RNF183: variants seen among roughly 807,000 people sequenced by gnomAD.
RNF183 encodes E3 ubiquitin-protein ligase RNF183.
Under a neutral mutation model 9.0 loss-of-function variants are expected in RNF183, and 4 were observed. The ratio of observed to expected loss-of-function variants is 0.44; its 90% CI spans 0.22 to 1.01. The LOEUF is 1.01. RNF183 is among the 50% of genes least tolerant of loss of function. RNF183 has a pLI of 0.25. For synonymous variants in RNF183, 102 were observed against 107.5 expected (o/e 0.95, Z 0.32); for missense variants, 227 against 253.6 (o/e 0.89, Z 0.71).
At position 113,298,624 on chromosome 9, in the gene RNF183, C is replaced by T. The variant is rs977028709; in HGVS notation, c.-37-403G>A. On this transcript the variant is annotated intron_variant, in intron 4 of 4. Transcript: ENST00000489339. This position sits in a 1 kb window ranked among gnomAD's most constrained non-coding sequence, Gnocchi z 4.9. The stretch of plus-strand genomic sequence containing the variant: ...TGTTTCCTTCCCTGCTACCTCAAAT[C>T]CCTGACTAGCGCAGAGATGGGTTTT... 1.7e-5 allele frequency: 3 copies of T among 173,876 alleles called. No homozygotes were observed. Among genetic ancestry groups the T allele is most frequent in the African/African-American group, 7.2e-5 (3 of 41,812 alleles). The allele number at this position is 173,876 out of a possible 1,614,324, so 10.8% of individuals were successfully genotyped here.
rs767890154 is a variant in RNF183, at chr9:113,297,986, A to G, written c.199T>C (p.Ser67Pro). ...PLCRQPTVLA[S>P]GQPVTDLPTD... ...GGCAAGTCAGTGACAGGCTGCCCTG[A>G]GGCCAGCACTGTGGGCTGGCGACAG... is the stretch of plus-strand genomic sequence containing the variant. The change falls in exon 5 of 5, where the codon TCA (serine) becomes CCA (proline). Residue 67 changes from serine to proline, a missense_variant. Ser to Pro is a moderately conservative substitution (Grantham distance 74). Transcript: ENST00000489339. The G allele has an allele frequency of 1.2e-6, 2 of 1,613,942 alleles. No individual in the cohort carries two copies. The highest frequency in any genetic ancestry group is 3.3e-5 in the Admixed American group (2 of 59,974).
rs564671559 is a variant in RNF183 at position 113,301,805 on chromosome 9, G to A, written c.-321-54C>T. 7.2e-5 allele frequency: 11 copies of A among 152,306 alleles called. No homozygotes were observed. In the East Asian group the frequency reaches 1.2e-3, roughly 16 times the overall value. 9.4% of individuals were successfully genotyped at this position (152,306 alleles called of 1,614,324 possible). A position where few individuals can be genotyped will look rare whatever the true frequency, so the allele number is the denominator to read the frequency against. On this transcript the variant is annotated intron_variant, in intron 2 of 4. Coordinates refer to ENST00000489339, the MANE Select transcript of RNF183 (RefSeq NM_001371237.1). ...ATCCAGGCGCTGGTTTAACGGTGAC[G>A]TATGGAGAACTACGTCATCATCCAG...
rs921101203 is a variant in RNF183 at position 113,298,655 on chromosome 9, T to C, written c.-37-434A>G. ...CTAGCGCAGAGATGGGTTTTGTGAA[T>C]TCCCTGGTCTGTCCCTCCTATGGGG... On this transcript the variant is annotated intron_variant, in intron 4 of 4. Transcript: ENST00000489339. This position sits in a 1 kb window ranked among gnomAD's most constrained non-coding sequence, Gnocchi z 4.9. 6.2e-6 allele frequency: 1 copy of C among 161,380 alleles called. No individual in the cohort carries two copies. Among genetic ancestry groups the C allele is most frequent in the African/African-American group, 2.4e-5 (1 of 41,498 alleles). The allele number at this position is 161,380 out of a possible 1,614,324, so 10.0% of individuals were successfully genotyped here. A position where few individuals can be genotyped will look rare whatever the true frequency, so the allele number is the denominator to read the frequency against.
rs778485049 is a variant in RNF183, at chr9:113,297,853, C to T, written c.332G>A (p.Arg111His). ...GTCCAGCGTGTAGACTTGAGGCTGG[C>T]GCAGGAAGTAGCGGCTCTTGGGCTG... ...KDQPKSRYFL[R>H]QPQVYTLDLG... The change falls in exon 5 of 5, where the codon CGC becomes CAC. Residue 111 changes from arginine to histidine, a missense_variant. Physicochemically the swap from Arg to His is conservative, Grantham distance 29. Coordinates refer to ENST00000489339, the MANE Select transcript of RNF183 (RefSeq NM_001371237.1). 1.7e-5 allele frequency: 27 copies of T among 1,609,156 alleles called. No homozygotes were observed. Among genetic ancestry groups the T allele is most frequent in the Non-Finnish European group, 2.1e-5 (25 of 1,177,602 alleles).
chr9:113,301,641 A>G (rs1832921880), intron 3 of RNF183, 31 bp downstream of exon 3: 1 of 152,216 alleles, frequency 6.6e-6, no homozygotes, highest in South Asian at 2.1e-4. Flanking sequence ...TGAATCCCAG[A>G]GTGTGTTAGA....
chr9:113,299,066 T>G (rs1024378583), intron 4 of RNF183: 15 of 152,242 alleles, frequency 9.9e-5, no homozygotes, highest in African/African-American at 3.4e-4. Flanking sequence ...ACTGCCTTCT[T>G]GCCACCAACC....
intron 3 of RNF183, among the ~76,000 whole-genome samples, chr9:113,300,136 G>C (rs1832870271): frequency 6.6e-6 from 1 of 152,180 alleles, no homozygotes; most frequent in Admixed American, 6.5e-5. Context: ...AGCAAAACCT[G>C]CTTATACTCT....
chr9:113,301,787 C>T (rs569473380), intron 2 of RNF183, 36 bp from the exon 3 acceptor site: 17 of 152,272 alleles, frequency 1.1e-4, no homozygotes, highest in East Asian at 3.9e-4. Context: ...CCCATCCAGG[C>T]GCTGGTTTAA....
intron 3 of RNF183, among the ~76,000 whole-genome samples, chr9:113,301,450 A>G (rs1335459812): frequency 6.6e-6 from 1 of 152,214 alleles, no homozygotes; most frequent in Non-Finnish European, 1.5e-5. Flanking sequence ...CAAGGTAAAT[A>G]TATGGTATTA....
In RNF183 at chr9:113,298,309, A is replaced by G; in HGVS notation, c.-37-88T>C. The G allele has an allele frequency of 1.3e-6, 1 of 788,250 alleles. No homozygotes were observed. Among genetic ancestry groups the G allele is most frequent in the South Asian group, 1.7e-5 (1 of 59,518 alleles). 48.8% of individuals were successfully genotyped at this position (788,250 alleles called of 1,614,324 possible). ...GGGCAAAGTGTTCTGTGGGTGTTGA[A>G]AGGTGTAATCACCACGTTTTACTTA... On this transcript the variant is annotated intron_variant, in intron 4 of 4. Transcript: ENST00000489339. The surrounding 1 kb of genome is among the most constrained non-coding windows in gnomAD (Gnocchi z 4.9).
intron 3 of RNF183, among the ~76,000 whole-genome samples, chr9:113,300,923 G>A (rs140759367): frequency 2.6e-5 from 4 of 152,298 alleles, no homozygotes; most frequent in Non-Finnish European, 5.9e-5. Context: ...TGGCTCAGGC[G>A]TGTGATGGTG....
chr9:113,298,231 G>A lies in RNF183; in HGVS notation c.-37-10C>T. The A allele has an allele frequency of 6.6e-7, 1 of 1,503,956 alleles. No individual in the cohort carries two copies. The highest frequency in any genetic ancestry group is 9.1e-7 in the Non-Finnish European group (1 of 1,095,186). 93.2% of individuals were successfully genotyped at this position (1,503,956 alleles called of 1,614,324 possible). A position where few individuals can be genotyped will look rare whatever the true frequency, so the allele number is the denominator to read the frequency against. On this transcript the variant is annotated splice_polypyrimidine_tract_variant and intron_variant, in intron 4 of 4. Coordinates refer to ENST00000489339, the MANE Select transcript of RNF183 (RefSeq NM_001371237.1). This position sits in a 1 kb window ranked among gnomAD's most constrained non-coding sequence, Gnocchi z 4.9. ...CTTCGCGGGAGACGTCCTGGCAGAA[G>A]GGGGAAAGGAGCAAAGGAACAGCCA...
Position 113,298,143 on chromosome 9 carries a change from G to T in RNF183, c.42C>A (p.Pro14=), listed in dbSNP as rs370421721. The part of the protein sequence containing the change: ...QQGRELEAEC[P]VCWNPFNNTF... ...TGTTGTTGAAGGGGTTCCAGCAGAC[G>T]GGGCACTCAGCCTCAAGCTCCCGGC... Residue 14 remains proline, a synonymous_variant, in exon 5 of 5, where the codon CCC becomes CCA. Transcript: ENST00000489339. The surrounding 1 kb of genome is among the most constrained non-coding windows in gnomAD (Gnocchi z 4.9). 1 of 1,613,708 alleles carries T rather than the reference G, an allele frequency of 6.2e-7. No individual in the cohort carries two copies. The highest frequency in any genetic ancestry group is 8.5e-7 in the Non-Finnish European group (1 of 1,179,910).
At chr9:113,302,033 A>G (rs1832933101) in intron 2 of RNF183, 162 bp downstream of exon 2, 1 of 152,122 alleles carries the variant, frequency 6.6e-6, no homozygotes, top group African/African-American at 2.4e-5. Context: ...ATGTCTGGAG[A>G]GATAAACAAC....
rs952973449 is a variant in RNF183 at position 113,297,546 on chromosome 9, C to T, written c.*60G>A. 2.6e-5 allele frequency: 30 copies of T among 1,139,678 alleles called. No homozygotes were observed. The highest frequency in any genetic ancestry group is 2.0e-4 in the Middle Eastern group (1 of 4,946). 70.6% of individuals were successfully genotyped at this position (1,139,678 alleles called of 1,614,324 possible). ...AGGAAGACAATACCAAATGAGGCTCCGTAGTCACCATACCCAGCAGCAACC... is the reference window on the plus strand; with the variant it reads ...AGGAAGACAATACCAAATGAGGCTCTGTAGTCACCATACCCAGCAGCAACC... On this transcript the variant is annotated 3_prime_UTR_variant, in exon 5 of 5. Coordinates refer to ENST00000489339, the MANE Select transcript of RNF183 (RefSeq NM_001371237.1).
At position 113,298,579 on chromosome 9, in the gene RNF183, G is replaced by A. The variant is rs1034019834; in HGVS notation, c.-37-358C>T. On this transcript the variant is annotated intron_variant, in intron 4 of 4. Transcript: ENST00000489339. This position sits in a 1 kb window ranked among gnomAD's most constrained non-coding sequence, Gnocchi z 4.9. ...GAGCTGGGGGTAAGCTGCAGTCTGC[G>A]GGTTTTGCTACAGGACAAATGTTTC... The A allele has an allele frequency of 2.4e-5, 5 of 205,890 alleles. No individual in the cohort carries two copies. Among genetic ancestry groups the A allele is most frequent in the Non-Finnish European group, 4.9e-5 (5 of 102,868 alleles). 12.8% of individuals were successfully genotyped at this position (205,890 alleles called of 1,614,324 possible).
rs1347952417 is a variant in RNF183 at position 113,298,498 on chromosome 9, G to A, written c.-37-277C>T. 4 of 395,222 alleles carry A rather than the reference G, an allele frequency of 1.0e-5. No homozygotes were observed. The Admixed American group carries it at 1.3e-4, about 13-fold the overall frequency. The allele number at this position is 395,222 out of a possible 1,614,324, so 24.5% of individuals were successfully genotyped here. ...AGATGTCGCCCTGGGCTTTGGAGCT[G>A]GACGCAAATGCTCCTTATGGTCATT... On this transcript the variant is annotated intron_variant, in intron 4 of 4. Transcript: ENST00000489339. This position sits in a 1 kb window ranked among gnomAD's most constrained non-coding sequence, Gnocchi z 4.9.
chr9:113,297,714 G>A lies in RNF183; in HGVS notation c.471C>T (p.Asn157=), dbSNP rs762671003. ...GGTAGGCAAAGATGCGGAACTGAGGGTTGCGGAAACACTCCCTCAAAGAGT... is the reference window on the plus strand; with the variant it reads ...GGTAGGCAAAGATGCGGAACTGAGGATTGCGGAAACACTCCCTCAAAGAGT... The part of the protein sequence containing the change: ...SHHSLRECFR[N]PQFRIFAYLM... Residue 157 remains asparagine (N), a synonymous_variant, in exon 5 of 5, where the codon AAC becomes AAT. Transcript: ENST00000489339. The A allele has an allele frequency of 2.6e-5, 42 of 1,614,012 alleles. No individual in the cohort carries two copies. The highest frequency in any genetic ancestry group is 1.6e-4 in the Middle Eastern group (1 of 6,084).
At chr9:113,301,377 C>T (rs7027833) in intron 3 of RNF183, among the ~76,000 whole-genome samples, 63,296 of 152,026 alleles carry the variant, frequency 0.42, 14,507 homozygotes, top group African/African-American at 0.61. Context: ...ATGTTCTGAA[C>T]ACTGTAGGCA....
Sources: allele counts gnomAD v4.1 joint callset (sites outside exome capture counted in the v4.1 genomes callset), GRCh38; gene constraint gnomAD v4.1.1; non-coding constraint Gnocchi (gnomAD v3.1); transcripts MANE v1.5; gene names NCBI Gene and HGNC (gene_info 2026-07-23, HGNC 2026-07-21).